Variants in RPRML observed in about 807,000 individuals in gnomAD.
The protein encoded by RPRML is reprimo-like protein.
In RPRML, 4 loss-of-function variants were observed where a neutral mutation model predicts 5.2. The ratio of observed to expected loss-of-function variants is 0.77; its 90% confidence interval spans 0.38 to 1.76. The LOEUF (loss-of-function observed/expected upper bound fraction) is 1.76, where lower values mean the gene tolerates loss of function less well. Ranked by LOEUF, RPRML falls within the 40% of genes most tolerant of loss-of-function variation. RPRML has a pLI of 0.04. For missense variants in RPRML, 181 were observed against 177.7 expected (o/e 1.02, Z -0.11); for synonymous variants, 79 against 89.1 (o/e 0.89, Z 0.64).
Position 46,979,095 on chromosome 17 carries a change from C to T in RPRML, c.-88G>A. On this transcript the variant is annotated 5_prime_UTR_variant, in exon 1 of 1. Coordinates refer to ENST00000322329, the MANE Select transcript of RPRML (RefSeq NM_203400.5). ...CCGCGCTCTCAGGGACGCTCCGGAC[C>T]CCTCGGACCGGCTCCTGCGGTACGG... is the stretch of plus-strand genomic sequence containing the variant. 2 of 1,244,676 alleles carry T rather than the reference C, an allele frequency of 1.6e-6. No individual in the cohort carries two copies. The highest frequency in any genetic ancestry group is 2.0e-6 in the Non-Finnish European group (2 of 978,332). 77.1% of individuals were successfully genotyped at this position (1,244,676 alleles called of 1,614,324 possible).
rs373305815 is a variant in RPRML, at chr17:46,978,674, C to G, written c.334G>C (p.Val112Leu). Residue 112 changes from valine to leucine, a missense_variant, in exon 1 of 1, where the codon GTG (valine) becomes CTG (leucine). Physicochemically the swap from Val to Leu is conservative, Grantham distance 32 (BLOSUM62 1). Coordinates refer to ENST00000322329, the MANE Select transcript of RPRML (RefSeq NM_203400.5). ...LVQERRPSKD[V>L]GAAILGLY Reference sequence around the variant, plus strand: ...TACAGCCCCAGGATGGCTGCGCCCACGTCCTTGGAGGGCCGGCGCTCCTGC... The same window carrying G: ...TACAGCCCCAGGATGGCTGCGCCCAGGTCCTTGGAGGGCCGGCGCTCCTGC... 6.4e-5 allele frequency: 103 copies of G among 1,609,482 alleles called. No homozygotes were observed. The highest frequency in any genetic ancestry group is 8.2e-5 in the Non-Finnish European group (97 of 1,178,508).
Position 46,978,534 on chromosome 17 carries a change from C to T in RPRML, c.*111G>A. 5 of 1,378,596 alleles carry T rather than the reference C, an allele frequency of 3.6e-6. No homozygotes were observed. The highest frequency in any genetic ancestry group is 4.8e-6 in the Non-Finnish European group (5 of 1,038,134). The allele number at this position is 1,378,596 out of a possible 1,614,324, so 85.4% of individuals were successfully genotyped here. ...CGCGTCCCCGCCCGGGCGCCCCAGG[C>T]ACGTAGCTGCCCGCCCGGAGGCGGC... On this transcript the variant is annotated 3_prime_UTR_variant, in exon 1 of 1. Transcript: ENST00000322329.
chr17:46,978,863 C>T lies in RPRML; in HGVS notation c.145G>A (p.Asp49Asn). Residue 49 changes from aspartate to asparagine, a missense_variant, in exon 1 of 1, where the codon GAC becomes AAC. Physicochemically the swap from Asp to Asn is conservative, Grantham distance 23 (BLOSUM62 1). Transcript: ENST00000322329. ...CPGGAPLAAS[D>N]GVPAGLAPDE... ...GGCGCCAGCCCCGCGGGGACCCCGT[C>T]GCTGGCGGCCAGCGGTGCGCCCCCT... 5.1e-6 allele frequency: 8 copies of T among 1,578,216 alleles called. No homozygotes were observed. Among genetic ancestry groups the T allele is most frequent in the Non-Finnish European group, 6.9e-6 (8 of 1,165,130 alleles).
Position 46,978,726 on chromosome 17 carries a change from C to T in RPRML, c.282G>A (p.Lys94=). ...VFFLGCNLLI[K]SESMINFLVQ... ...CCAGAAAGTTGATCATGCTCTCGGA[C>T]TTGATGAGCAGGTTGCAGCCCAGGA... The change falls in exon 1 of 1, where the codon AAG becomes AAA. Residue 94 remains lysine (K), a synonymous_variant. Coordinates refer to ENST00000322329, the MANE Select transcript of RPRML (RefSeq NM_203400.5). 1 of 1,612,406 alleles carries T rather than the reference C, an allele frequency of 6.2e-7. No individual in the cohort carries two copies. The highest frequency in any genetic ancestry group is 8.5e-7 in the Non-Finnish European group (1 of 1,179,448).
rs894602887 is a variant in RPRML, at chr17:46,979,084, A to T, written c.-77T>A. ...CTCGCCGGGGTCCGCGCTCTCAGGG[A>T]CGCTCCGGACCCCTCGGACCGGCTC... On this transcript the variant is annotated 5_prime_UTR_variant, in exon 1 of 1. Coordinates refer to ENST00000322329, the MANE Select transcript of RPRML (RefSeq NM_203400.5). The T allele has an allele frequency of 1.1e-5, 14 of 1,291,506 alleles. No individual in the cohort carries two copies. The highest frequency in any genetic ancestry group is 1.6e-5 in the African/African-American group (1 of 63,688). The allele number at this position is 1,291,506 out of a possible 1,614,324, so 80.0% of individuals were successfully genotyped here.
chr17:46,979,175 C>T lies in RPRML; in HGVS notation c.-168G>A, dbSNP rs1433641278. 2 of 692,310 alleles carry T rather than the reference C, an allele frequency of 2.9e-6. No individual in the cohort carries two copies. The highest frequency in any genetic ancestry group is 4.2e-6 in the Non-Finnish European group (2 of 475,678). 42.9% of individuals were successfully genotyped at this position (692,310 alleles called of 1,614,324 possible). On this transcript the variant is annotated 5_prime_UTR_variant, in exon 1 of 1. Coordinates refer to ENST00000322329, the MANE Select transcript of RPRML (RefSeq NM_203400.5). ...CTGCGCGCTCTCGGGCCGCCTACCC[C>T]TGGGCACCGGGCGGGAAGCGACCGC...
At position 46,978,587 on chromosome 17, in the gene RPRML, T is replaced by C. The variant is rs2091464896; in HGVS notation, c.*58A>G. ...CAGAGCGCAGAGAGCGGGGCGAGGG[T>C]CCGGGTCTCCGGGGTCCTTCTTGCA... On this transcript the variant is annotated 3_prime_UTR_variant, in exon 1 of 1. Transcript: ENST00000322329. The C allele has an allele frequency of 9.8e-6, 15 of 1,526,846 alleles. No homozygotes were observed. Among genetic ancestry groups the C allele is most frequent in the African/African-American group, 2.9e-5 (2 of 70,172 alleles). 94.6% of individuals were successfully genotyped at this position (1,526,846 alleles called of 1,614,324 possible).
chr17:46,979,212 AG>A lies in RPRML; in HGVS notation c.-206del. The A allele has an allele frequency of 2.2e-6, 1 of 447,732 alleles. No homozygotes were observed. The highest frequency in any genetic ancestry group is 7.3e-5 in the South Asian group (1 of 13,622). 27.7% of individuals were successfully genotyped at this position (447,732 alleles called of 1,614,324 possible). On this transcript the variant is annotated 5_prime_UTR_variant, in exon 1 of 1. Transcript: ENST00000322329. Reference sequence around the variant, plus strand: ...CGGGAAGCGACCGCCCGGAGGAGCGAGCAACAGGCGGCGCAGGAGCTGGAGC... The same window carrying A: ...CGGGAAGCGACCGCCCGGAGGAGCGACAACAGGCGGCGCAGGAGCTGGAGC...
At position 46,978,942 on chromosome 17, in the gene RPRML, C is replaced by A; in HGVS notation, c.66G>T (p.Gly22=). Residue 22 remains glycine (G), a synonymous_variant, in exon 1 of 1, where the codon GGG becomes GGT. Transcript: ENST00000322329. ...EEVDGVGGGA[G]AALGNRTHGL... is the part of the protein sequence containing the mutation. ...CGTGGGTGCGGTTTCCCAGGGCGGC[C>A]CCGGCGCCGCCGCCCACGCCGTCCA... 6.9e-7 allele frequency: 1 copy of A among 1,455,108 alleles called. No homozygotes were observed. 90.1% of individuals were successfully genotyped at this position (1,455,108 alleles called of 1,614,324 possible).
rs1476284584 is a variant in RPRML, at chr17:46,978,301, C to T, written c.*344G>A. 2 of 335,136 alleles carry T rather than the reference C, an allele frequency of 6.0e-6. No individual in the cohort carries two copies. The highest frequency in any genetic ancestry group is 1.1e-5 in the Non-Finnish European group (2 of 185,412). The allele number at this position is 335,136 out of a possible 1,614,324, so 20.8% of individuals were successfully genotyped here. ...TTCCGAACCCACCCGCACCAACGTA[C>T]ACACAAAACTCCCACGCGAGCGACC... On this transcript the variant is annotated 3_prime_UTR_variant, in exon 1 of 1. Coordinates refer to ENST00000322329, the MANE Select transcript of RPRML (RefSeq NM_203400.5).
In RPRML at chr17:46,978,418, C is replaced by A; in HGVS notation, c.*227G>T. On this transcript the variant is annotated 3_prime_UTR_variant, in exon 1 of 1. Coordinates refer to ENST00000322329, the MANE Select transcript of RPRML (RefSeq NM_203400.5). ...CAAAAAAAACTGGTAAGAACCCTCA[C>A]CCCACATTCTCCCACCCCGCAACGC... 1.9e-6 allele frequency: 1 copy of A among 532,438 alleles called. No individual in the cohort carries two copies. The highest frequency in any genetic ancestry group is 3.2e-6 in the Non-Finnish European group (1 of 310,148). The allele number at this position is 532,438 out of a possible 1,614,324, so 33.0% of individuals were successfully genotyped here. A position where few individuals can be genotyped will look rare whatever the true frequency, so the allele number is the denominator to read the frequency against.
chr17:46,978,390 A>ACAC lies in RPRML; in HGVS notation c.*254_*255insGTG. 2.6e-6 allele frequency: 1 copy of ACAC among 387,832 alleles called. No homozygotes were observed. Among genetic ancestry groups the ACAC allele is most frequent in the Non-Finnish European group, 4.3e-6 (1 of 231,020 alleles). 24.0% of individuals were successfully genotyped at this position (387,832 alleles called of 1,614,324 possible). A position where few individuals can be genotyped will look rare whatever the true frequency, so the allele number is the denominator to read the frequency against. On this transcript the variant is annotated 3_prime_UTR_variant, in exon 1 of 1. Coordinates refer to ENST00000322329, the MANE Select transcript of RPRML (RefSeq NM_203400.5). ...GCCCCGAACGTCTTAAAAAACAAACAAACAAAAAAAACTGGTAAGAACCCT... is the reference window on the plus strand; with the variant it reads ...GCCCCGAACGTCTTAAAAAACAAACACACAACAAAAAAAACTGGTAAGAACCCT...
chr17:46,979,226 C>T lies in RPRML; in HGVS notation c.-219G>A. The T allele has an allele frequency of 2.3e-6, 1 of 426,668 alleles. No individual in the cohort carries two copies. The highest frequency in any genetic ancestry group is 4.2e-6 in the Non-Finnish European group (1 of 240,268). The allele number at this position is 426,668 out of a possible 1,614,324, so 26.4% of individuals were successfully genotyped here. A position where few individuals can be genotyped will look rare whatever the true frequency, so the allele number is the denominator to read the frequency against. ...CCGGAGGAGCGAGCAACAGGCGGCG[C>T]AGGAGCTGGAGCCGGAGAACCTAGT... On this transcript the variant is annotated 5_prime_UTR_variant, in exon 1 of 1. Transcript: ENST00000322329.
chr17:46,978,679 T>C lies in RPRML; in HGVS notation c.329A>G (p.Lys110Arg). 4 of 1,610,400 alleles carry C rather than the reference T, an allele frequency of 2.5e-6. No individual in the cohort carries two copies. The highest frequency in any genetic ancestry group is 1.1e-5 in the South Asian group (1 of 90,536). Reference sequence around the variant, plus strand: ...CCCCAGGATGGCTGCGCCCACGTCCTTGGAGGGCCGGCGCTCCTGCACCAG... The same window carrying C: ...CCCCAGGATGGCTGCGCCCACGTCCCTGGAGGGCCGGCGCTCCTGCACCAG... ...NFLVQERRPS[K>R]DVGAAILGLY Residue 110 changes from lysine (K) to arginine (R), a missense_variant, in exon 1 of 1, where the codon AAG (lysine) becomes AGG (arginine). By Grantham distance (26) the Lys-to-Arg change is conservative (BLOSUM62 2). Transcript: ENST00000322329.
Position 46,978,703 on chromosome 17 carries a change from A to G in RPRML, c.305T>C (p.Leu102Pro), listed in dbSNP as rs2091466270. The G allele has an allele frequency of 1.2e-6, 2 of 1,611,932 alleles. No individual in the cohort carries two copies. The highest frequency in any genetic ancestry group is 1.7e-6 in the Non-Finnish European group (2 of 1,179,384). Residue 102 changes from leucine (L) to proline (P), a missense_variant, in exon 1 of 1, where the codon CTG becomes CCG. By Grantham distance (98) the Leu-to-Pro change is moderately conservative. Transcript: ENST00000322329. ...LIKSESMINFLVQERRPSKDV... is the reference protein window; with the variant it reads ...LIKSESMINFPVQERRPSKDV... ...CTTGGAGGGCCGGCGCTCCTGCACC[A>G]GAAAGTTGATCATGCTCTCGGACTT... is the stretch of plus-strand genomic sequence containing the variant.
chr17:46,978,716 T>C lies in RPRML; in HGVS notation c.292A>G (p.Met98Val). Reference protein sequence around the residue: ...GCNLLIKSESMINFLVQERRP... With the variant: ...GCNLLIKSESVINFLVQERRP... ...CGCTCCTGCACCAGAAAGTTGATCATGCTCTCGGACTTGATGAGCAGGTTG... is the reference window on the plus strand; with the variant it reads ...CGCTCCTGCACCAGAAAGTTGATCACGCTCTCGGACTTGATGAGCAGGTTG... The change falls in exon 1 of 1, where the codon ATG (methionine) becomes GTG (valine). Residue 98 changes from methionine (M) to valine (V), a missense_variant. Transcript: ENST00000322329. 1 of 1,612,034 alleles carries C rather than the reference T, an allele frequency of 6.2e-7. No homozygotes were observed. Among genetic ancestry groups the C allele is most frequent in the Non-Finnish European group, 8.5e-7 (1 of 1,179,292 alleles).
rs2091462004 is a variant in RPRML, at chr17:46,978,298, G to GT, written c.*346dup. ...GTGTTCCGAACCCACCCGCACCAAC[G>GT]TACACACAAAACTCCCACGCGAGCG... On this transcript the variant is annotated 3_prime_UTR_variant, in exon 1 of 1. Coordinates refer to ENST00000322329, the MANE Select transcript of RPRML (RefSeq NM_203400.5). The GT allele has an allele frequency of 1.2e-5, 4 of 323,524 alleles. No homozygotes were observed. The highest frequency in any genetic ancestry group is 2.2e-5 in the Non-Finnish European group (4 of 178,370). The allele number at this position is 323,524 out of a possible 1,614,324, so 20.0% of individuals were successfully genotyped here. A position where few individuals can be genotyped will look rare whatever the true frequency, so the allele number is the denominator to read the frequency against.
rs2091469241 is a variant in RPRML, at chr17:46,978,963, G to A, written c.45C>T (p.Asp15=). ...CGGCCCCGGCGCCGCCGCCCACGCC[G>A]TCCACCTCCTCCAAGCCGCTGTGGT... ...FLNHSGLEEV[D]GVGGGAGAAL... Residue 15 remains aspartate (D), a synonymous_variant, in exon 1 of 1, where the codon GAC becomes GAT. Transcript: ENST00000322329. The A allele has an allele frequency of 2.8e-6, 4 of 1,452,080 alleles. No individual in the cohort carries two copies. The highest frequency in any genetic ancestry group is 3.6e-6 in the Non-Finnish European group (4 of 1,111,898). 89.9% of individuals were successfully genotyped at this position (1,452,080 alleles called of 1,614,324 possible).
chr17:46,978,668 C>T lies in RPRML; in HGVS notation c.340G>A (p.Ala114Thr). Residue 114 changes from alanine (A) to threonine (T), a missense_variant, in exon 1 of 1, where the codon GCA becomes ACA. Ala to Thr is a moderately conservative substitution (Grantham distance 58, BLOSUM62 0). Transcript: ENST00000322329. ...QERRPSKDVG[A>T]AILGLY is the part of the protein sequence containing the mutation. ...GCTCAGTACAGCCCCAGGATGGCTG[C>T]GCCCACGTCCTTGGAGGGCCGGCGC... 1 of 1,608,426 alleles carries T rather than the reference C, an allele frequency of 6.2e-7. No homozygotes were observed. Among genetic ancestry groups the T allele is most frequent in the Non-Finnish European group, 8.5e-7 (1 of 1,178,030 alleles).
Sources: gnomAD v4.1 joint callset for allele counts on GRCh38, gnomAD v4.1.1 for gene constraint, MANE v1.5 for transcripts, NCBI Gene and HGNC (gene_info 2026-07-23, HGNC 2026-07-21) for gene names.